TMEM117: variants seen among roughly 807,000 people sequenced by gnomAD.
TMEM117 encodes transmembrane protein 117.
In TMEM117, 27 loss-of-function variants were observed where a neutral mutation model predicts 52.4. That is an observed-to-expected ratio of 0.51 (90% confidence interval 0.38 to 0.71). The LOEUF is 0.71. Among genes scored for constraint, TMEM117 ranks in the 30% least tolerant of loss-of-function variants. The probability of loss-of-function intolerance (pLI) is 0.00; values close to 1 mark genes in which losing one functional copy is unlikely to be tolerated. For synonymous variants in TMEM117, 215 were observed against 206.3 expected (o/e 1.04, Z -0.36); for missense variants, 556 against 630.5 (o/e 0.88, Z 1.26).
intron 5 of TMEM117, among the ~76,000 whole-genome samples, chr12:44,278,498 A>G (rs1411817552): frequency 6.6e-6 from 1 of 152,150 alleles, no homozygotes; most frequent in Non-Finnish European, 1.5e-5. Flanking sequence ...TATCATTGCT[A>G]TTTAGCTGTA....
At chr12:44,152,271 TTTATA>T (rs1185310118) in intron 4 of TMEM117, among the ~76,000 whole-genome samples, 7 of 106,164 alleles carry the variant, frequency 6.6e-5, no homozygotes, top group African/African-American at 2.6e-4. Flanking sequence ...TATAATCATA[TTTATA>T]TTATATATAA....
chr12:44,376,345 T>G, intron 6 of TMEM117: 12 of 503,844 alleles, frequency 2.4e-5, no homozygotes, highest in Admixed American at 1.4e-4. Context: ...AAATCAATTC[T>G]GTATTGGTTT....
chr12:44,213,580 G>A (rs1949675250), intron 5 of TMEM117, among the ~76,000 whole-genome samples: 1 of 152,200 alleles, frequency 6.6e-6, no homozygotes, highest in Admixed American at 6.5e-5. Context: ...ATCTTGAATT[G>A]TAGTTCCCAT....
chr12:43,880,984 A>G (rs1206648613), intron 2 of TMEM117, among the ~76,000 whole-genome samples: 1 of 152,266 alleles, frequency 6.6e-6, no homozygotes, highest in East Asian at 1.9e-4. Flanking sequence ...AGAAAATTCT[A>G]ACTCACAGAG....
the TMEM117 span, among the ~76,000 whole-genome samples, chr12:43,807,650 G>A: frequency 1.3e-5 from 2 of 152,148 alleles, no homozygotes; most frequent in Non-Finnish European, 2.9e-5. Flanking sequence ...CAAAAGTATA[G>A]TTGAGCAAAA....
At chr12:44,350,948 C>G (rs1230807833) in intron 6 of TMEM117, among the ~76,000 whole-genome samples, 1 of 152,032 alleles carries the variant, frequency 6.6e-6, no homozygotes, top group East Asian at 1.9e-4. Context: ...AAACTGTTCT[C>G]CATAGTGGTT....
chr12:43,924,629 T>A (rs544381260), intron 2 of TMEM117, among the ~76,000 whole-genome samples: 1 of 152,332 alleles, frequency 6.6e-6, no homozygotes, highest in East Asian at 1.9e-4. Context: ...ATATTGTACT[T>A]TATTTCTAGT....
chr12:43,913,813 C>T (rs1299770928), intron 2 of TMEM117, among the ~76,000 whole-genome samples: 1 of 152,130 alleles, frequency 6.6e-6, no homozygotes, highest in Non-Finnish European at 1.5e-5. Flanking sequence ...TGTTCACTTT[C>T]ATCATGGCAG....
chr12:44,254,651 T>G (rs1438366052), intron 5 of TMEM117, among the ~76,000 whole-genome samples: 3 of 132,908 alleles, frequency 2.3e-5, no homozygotes, highest in Non-Finnish European at 4.8e-5. Flanking sequence ...AAGTACCAGA[T>G]ATATATATAT....
chr12:43,873,810 T>A (rs961801169), intron 2 of TMEM117, among the ~76,000 whole-genome samples: 1 of 152,086 alleles, frequency 6.6e-6, no homozygotes, highest in Admixed American at 6.5e-5. Context: ...TTTGATAAGT[T>A]CTCTTAAAGC....
intron 2 of TMEM117, among the ~76,000 whole-genome samples, chr12:43,864,184 C>G (rs1042488467): frequency 2.6e-4 from 39 of 152,206 alleles, no homozygotes; most frequent in Non-Finnish European, 4.7e-4. Context: ...CTCACTCCCC[C>G]CGCAGTGGGT....
chr12:43,852,247 C>T (rs1413251411), intron 2 of TMEM117, among the ~76,000 whole-genome samples: 1 of 152,026 alleles, frequency 6.6e-6, no homozygotes, highest in African/African-American at 2.4e-5. Context: ...CTGGCTAACA[C>T]GGTGAAACCC....
chr12:44,282,882 T>C (rs865956285), intron 5 of TMEM117, among the ~76,000 whole-genome samples: 19 of 152,212 alleles, frequency 1.2e-4, no homozygotes, highest in African/African-American at 4.6e-4. Flanking sequence ...AGTGGTTTCG[T>C]GGGCTGGGCC....
chr12:44,017,141 A>C (rs1207825658), intron 3 of TMEM117, among the ~76,000 whole-genome samples: 2 of 152,194 alleles, frequency 1.3e-5, no homozygotes, highest in East Asian at 3.9e-4. Context: ...AGTAAAGATG[A>C]GCATCAATCT....
chr12:44,191,953 A>G (rs144104424), intron 4 of TMEM117, among the ~76,000 whole-genome samples: 2 of 152,310 alleles, frequency 1.3e-5, no homozygotes, highest in South Asian at 2.1e-4. Context: ...TGTAAATCCT[A>G]TGAGCAAATG....
At chr12:44,086,723 G>A (rs903648371) in intron 3 of TMEM117, among the ~76,000 whole-genome samples, 5 of 151,866 alleles carry the variant, frequency 3.3e-5, no homozygotes, top group Non-Finnish European at 7.4e-5. Context: ...CAGCTCTTTC[G>A]CTATCAAACA....
intron 5 of TMEM117, among the ~76,000 whole-genome samples, chr12:44,236,835 G>A (rs1397636364): frequency 6.6e-6 from 1 of 152,062 alleles, no homozygotes; most frequent in African/African-American, 2.4e-5. Context: ...CCAGAATGAA[G>A]TAATAAAGCT....
At chr12:43,912,728 G>A (rs1299253010) in intron 2 of TMEM117, among the ~76,000 whole-genome samples, 1 of 150,820 alleles carries the variant, frequency 6.6e-6, no homozygotes. Flanking sequence ...TGTTTTTATT[G>A]GTGCTTTTCC....
chr12:43,945,977 G>A (rs1319659181), intron 3 of TMEM117, among the ~76,000 whole-genome samples: 1 of 152,164 alleles, frequency 6.6e-6, no homozygotes, highest in African/African-American at 2.4e-5. Flanking sequence ...CATTTCACAT[G>A]TTTTATATTT....
Sources: gnomAD v4.1 joint callset for allele counts (sites outside exome capture counted in the v4.1 genomes callset) on GRCh38, gnomAD v4.1.1 for gene constraint, MANE v1.5 for transcripts, NCBI Gene and HGNC (gene_info 2026-07-23, HGNC 2026-07-21) for gene names.